Variants in AGR2 observed in about 807,000 individuals in gnomAD.
AGR2 encodes the protein anterior gradient protein 2 homolog.
AGR2 carries 27 observed loss-of-function variants against 25.9 expected under a neutral mutation model. The ratio of observed to expected loss-of-function variants is 1.04; its 90% CI spans 0.77 to 1.44. The LOEUF (loss-of-function observed/expected upper bound fraction) is 1.44, where lower values mean the gene tolerates loss of function less well. Ranked by LOEUF, AGR2 falls within the 40% of genes most tolerant of loss-of-function variation. The probability of loss-of-function intolerance (pLI) is 0.00; values close to 1 mark genes in which losing one functional copy is unlikely to be tolerated. For synonymous variants in AGR2, 78 were observed against 72.0 expected (o/e 1.08, Z -0.42); for missense variants, 182 against 200.9 (o/e 0.91, Z 0.57).
rs188978598 is a variant in AGR2 at position 16,798,533 on chromosome 7, A to T, written c.331-839T>A. ...TTCCTTTGTTCAGAAATAGTTAAGA[A>T]CCACTGGAGGGATGTTAGAAGAGGC... On this transcript the variant is annotated intron_variant, in intron 5 of 7. Coordinates refer to ENST00000419304, the MANE Select transcript of AGR2 (RefSeq NM_006408.4). Among the ~76,000 whole-genome samples, 480 of 152,148 alleles carry T rather than the reference A, an allele frequency of 3.2e-3. 2 individuals are homozygous for T. The highest frequency in any genetic ancestry group is 4.8e-3 in the Admixed American group (74 of 15,286).
rs1785038854 is a variant in AGR2 at position 16,796,004 on chromosome 7, A to G, written c.395-985T>C. Among the ~76,000 whole-genome samples, 4 of 152,370 alleles carry G rather than the reference A, an allele frequency of 2.6e-5. No homozygotes were observed. In the South Asian group the frequency reaches 8.3e-4, roughly 32 times the overall value. ...CTAATCTTTGTAAGAAATTAACCTA[A>G]GAAGGGCTTTTTAAATACCCAACTA... On this transcript the variant is annotated intron_variant, in intron 6 of 7. Coordinates refer to ENST00000419304, the MANE Select transcript of AGR2 (RefSeq NM_006408.4).
intron 2 of AGR2, 92 bp from the exon 3 acceptor site, chr7:16,801,475 C>G: frequency 1.5e-6 from 2 of 1,343,840 alleles, no homozygotes; most frequent in Non-Finnish European, 2.1e-6. Flanking sequence ...ATAATAGACC[C>G]TATACTAAAG....
At chr7:16,793,131 C>T (rs981941867) in intron 7 of AGR2, among the ~76,000 whole-genome samples, 174 bp from the exon 8 acceptor site, 1 of 152,156 alleles carries the variant, frequency 6.6e-6, no homozygotes, top group African/African-American at 2.4e-5. Context: ...TCAGTGCAAC[C>T]TCTGCCTCCT....
intron 6 of AGR2, among the ~76,000 whole-genome samples, chr7:16,796,688 A>G (rs10277726): frequency 0.046 from 6,960 of 152,286 alleles, 521 homozygotes; most frequent in African/African-American, 0.16. Flanking sequence ...AGGGGCTTAT[A>G]GTCCAATGTG....
At chr7:16,799,029 A>C (rs1016537748) in intron 5 of AGR2, among the ~76,000 whole-genome samples, 1 of 152,200 alleles carries the variant, frequency 6.6e-6, no homozygotes, top group Admixed American at 6.5e-5. Flanking sequence ...TTGTTCACTG[A>C]ATACAAAATA....
chr7:16,802,703 T>A (rs1785169277), intron 1 of AGR2, among the ~76,000 whole-genome samples: 1 of 151,842 alleles, frequency 6.6e-6, no homozygotes, highest in Non-Finnish European at 1.5e-5. Flanking sequence ...TCCACATAGA[T>A]AAAGACAAAA....
intron 1 of AGR2, among the ~76,000 whole-genome samples, chr7:16,803,408 G>A (rs1186845784): frequency 6.6e-6 from 1 of 152,120 alleles, no homozygotes; most frequent in African/African-American, 2.4e-5. Context: ...ATTGGTGAAT[G>A]GTTTTGAATG....
In AGR2 at chr7:16,801,782, T is replaced by A; in HGVS notation, c.15A>T (p.Pro5=). Residue 5 remains proline (P), a synonymous_variant, in exon 2 of 8, where the codon CCA becomes CCT. Transcript: ENST00000419304. ...CCACAAGGAGCAAGAATGCTGACAC[T>A]GGAATTTTCTCCATGGCAACTCTAG... MEKI[P]VSAFLLLVAL... is the part of the protein sequence containing the mutation. The A allele has an allele frequency of 6.2e-7, 1 of 1,608,210 alleles. No homozygotes were observed. The highest frequency in any genetic ancestry group is 8.5e-7 in the Non-Finnish European group (1 of 1,176,278).
Position 16,797,557 on chromosome 7 carries a change from C to G in AGR2, c.394+74G>C. The G allele has an allele frequency of 2.2e-6, 3 of 1,350,464 alleles. No homozygotes were observed. In the South Asian group the frequency reaches 3.7e-5, roughly 17 times the overall value. 83.7% of individuals were successfully genotyped at this position (1,350,464 alleles called of 1,614,324 possible). A position where few individuals can be genotyped will look rare whatever the true frequency, so the allele number is the denominator to read the frequency against. On this transcript the variant is annotated intron_variant, in intron 6 of 7. Coordinates refer to ENST00000419304, the MANE Select transcript of AGR2 (RefSeq NM_006408.4). Reference sequence around the variant, plus strand: ...TTGGCCATGGCAACGTGGCAAGGGACAGTGGGGAGGAGAGAAGGAGGATGG... The same window carrying G: ...TTGGCCATGGCAACGTGGCAAGGGAGAGTGGGGAGGAGAGAAGGAGGATGG...
chr7:16,804,780 G>T (rs1224404110), intron 1 of AGR2, among the ~76,000 whole-genome samples, 155 bp downstream of exon 1: 6 of 152,156 alleles, frequency 3.9e-5, no homozygotes, highest in Admixed American at 2.0e-4. Context: ...TAAGACTTTT[G>T]TGGAAATTCC....
At chr7:16,795,111 A>G in intron 6 of AGR2, 92 bp from the exon 7 acceptor site, 3 of 1,353,256 alleles carry the variant, frequency 2.2e-6, no homozygotes, top group South Asian at 2.4e-5. Flanking sequence ...TCATGTATTC[A>G]TGTCCTGTGA....
chr7:16,801,308 C>T lies in AGR2; in HGVS notation c.203+12G>A, dbSNP rs765370798. ...GAGCTTTGAGGGAGCTCTGAGTAATCCTGATCTTTACCTTGTCTTGGATTT... is the reference window on the plus strand; with the variant it reads ...GAGCTTTGAGGGAGCTCTGAGTAATTCTGATCTTTACCTTGTCTTGGATTT... On this transcript the variant is annotated intron_variant, in intron 3 of 7. Coordinates refer to ENST00000419304, the MANE Select transcript of AGR2 (RefSeq NM_006408.4). 1 of 1,613,498 alleles carries T rather than the reference C, an allele frequency of 6.2e-7. No homozygotes were observed. Among genetic ancestry groups the T allele is most frequent in the Non-Finnish European group, 8.5e-7 (1 of 1,179,614 alleles).
At position 16,799,787 on chromosome 7, in the gene AGR2, T is replaced by G. The variant is rs193271402; in HGVS notation, c.287A>C (p.Glu96Ala). 2 of 1,613,384 alleles carry G rather than the reference T, an allele frequency of 1.2e-6. No individual in the cohort carries two copies. The highest frequency in any genetic ancestry group is 3.3e-5 in the Admixed American group (2 of 59,986). Residue 96 changes from glutamate to alanine, a missense_variant, in exon 5 of 8, where the codon GAA becomes GCA. Physicochemically the swap from Glu to Ala is moderately radical, Grantham distance 107. Transcript: ENST00000419304. ...ALKKVFAENKEIQKLAEQFVL... is the reference protein window; with the variant it reads ...ALKKVFAENKAIQKLAEQFVL... Reference sequence around the variant, plus strand: ...AAACTGCTCTGCCAATTTCTGGATTTCTTTATTTTCAGCAAACACTTTCTT... The same window carrying G: ...AAACTGCTCTGCCAATTTCTGGATTGCTTTATTTTCAGCAAACACTTTCTT...
chr7:16,801,038 A>G (rs1785132633), intron 4 of AGR2, 113 bp downstream of exon 4: 1 of 728,616 alleles, frequency 1.4e-6, no homozygotes, highest in Admixed American at 2.9e-5. Flanking sequence ...ACTATATAAA[A>G]TATTCTTTCT....
chr7:16,796,489 A>G (rs1430393675), intron 6 of AGR2, among the ~76,000 whole-genome samples: 6 of 152,178 alleles, frequency 3.9e-5, no homozygotes, highest in South Asian at 4.1e-4. Context: ...ACACAGGTGA[A>G]TCATATGATT....
intron 6 of AGR2, among the ~76,000 whole-genome samples, chr7:16,797,091 T>TA (rs1785060561): frequency 6.6e-6 from 1 of 151,908 alleles, no homozygotes; most frequent in African/African-American, 2.4e-5. Context: ...CTGGCTAATT[T>TA]TTTTTTTGTA....
At chr7:16,793,878 C>T (rs910040186) in intron 7 of AGR2, among the ~76,000 whole-genome samples, 5 of 152,158 alleles carry the variant, frequency 3.3e-5, no homozygotes, top group Admixed American at 2.0e-4. Context: ...ATTGAACAGC[C>T]GCTTATTCAC....
intron 7 of AGR2, 176 bp downstream of exon 7, chr7:16,794,760 T>G (rs1785015203): frequency 5.5e-6 from 8 of 1,452,588 alleles, no homozygotes; most frequent in Non-Finnish European, 6.4e-6. Context: ...CAAACAAACC[T>G]GAGATGGAAA....
intron 2 of AGR2, 74 bp downstream of exon 2, chr7:16,801,584 G>T (rs866193672): frequency 1.3e-6 from 2 of 1,587,636 alleles, no homozygotes. Flanking sequence ...TTAGAACCAG[G>T]TTTAAGCACC....
Sources: allele counts gnomAD v4.1 joint callset (sites outside exome capture counted in the v4.1 genomes callset), GRCh38; gene constraint gnomAD v4.1.1; transcripts MANE v1.5; gene names NCBI Gene and HGNC (gene_info 2026-07-23, HGNC 2026-07-21).